CSMD3: variants seen among roughly 807,000 people sequenced by gnomAD.
The protein encoded by CSMD3 is CUB and sushi domain-containing protein 3.
CSMD3 carries 177 observed loss-of-function variants against 435.2 expected under a neutral mutation model. The observed-to-expected ratio is 0.41, with a 90% CI of 0.36 to 0.46. CSMD3 has a LOEUF of 0.46. Among genes scored for constraint, CSMD3 ranks in the 20% least tolerant of loss-of-function variants. The pLI, the probability that CSMD3 is intolerant of heterozygous loss-of-function variation, is 0.34. For missense variants in CSMD3, 4,265 were observed against 4,504.6 expected (o/e 0.95, Z 1.52); for synonymous variants, 1,656 against 1,520.5 (o/e 1.09, Z -2.07).
rs145308200 is a variant in CSMD3, at chr8:112,979,805, C to A, written c.1031-3657G>T. 2.7e-4 allele frequency among the ~76,000 whole-genome samples: 41 copies of A among 151,090 alleles called. 1 individual carries two copies. The highest frequency in any genetic ancestry group is 8.9e-4 in the African/African-American group (37 of 41,436). The stretch of plus-strand genomic sequence containing the variant: ...TGTAGCTTATCACAATTAGATTATC[C>A]TGTCATTAAGTTACTTGAGAAAAAT... On this transcript the variant is annotated intron_variant, in intron 6 of 70. Transcript: ENST00000297405.
rs73344052 is a variant in CSMD3 at position 112,828,080 on chromosome 8, T to C, written c.1859+1606A>G. On this transcript the variant is annotated intron_variant, in intron 12 of 70. Coordinates refer to ENST00000297405, the MANE Select transcript of CSMD3 (RefSeq NM_198123.2). ...TACAGTATATTGCATGTAAAATATATGCAATTTTATATTATAATGAAATCT... is the reference window on the plus strand; with the variant it reads ...TACAGTATATTGCATGTAAAATATACGCAATTTTATATTATAATGAAATCT... Among the ~76,000 whole-genome samples the C allele has an allele frequency of 6.2e-3, 945 of 152,326 alleles. 9 individuals are homozygous for C. Among genetic ancestry groups the C allele is most frequent in the African/African-American group, 0.021 (872 of 41,572 alleles).
intron 7 of CSMD3, among the ~76,000 whole-genome samples, chr8:112,964,883 A>G (rs1259076384): frequency 6.6e-6 from 1 of 151,970 alleles, no homozygotes; most frequent in African/African-American, 2.4e-5. Flanking sequence ...TATCCTACGC[A>G]ATGCACCCTA....
intron 10 of CSMD3, among the ~76,000 whole-genome samples, chr8:112,883,172 C>T (rs1459692062): frequency 1.3e-5 from 2 of 151,818 alleles, no homozygotes; most frequent in African/African-American, 4.8e-5. Flanking sequence ...CCCGATCTTC[C>T]AATTTTTCAA....
intron 11 of CSMD3, among the ~76,000 whole-genome samples, chr8:112,839,364 G>A (rs967860255): frequency 1.3e-5 from 2 of 151,782 alleles, no homozygotes; most frequent in Non-Finnish European, 2.9e-5. Flanking sequence ...CTGAAGGGAA[G>A]AAGCTACATA....
chr8:112,827,836 G>T (rs1405635006), intron 12 of CSMD3, among the ~76,000 whole-genome samples: 1 of 152,182 alleles, frequency 6.6e-6, no homozygotes, highest in Non-Finnish European at 1.5e-5. Flanking sequence ...GGGCCACAAA[G>T]AGGCCCTCTC....
chr8:112,704,794 A>G (rs1033886901), intron 13 of CSMD3, among the ~76,000 whole-genome samples: 1 of 152,270 alleles, frequency 6.6e-6, no homozygotes, highest in Non-Finnish European at 1.5e-5. Flanking sequence ...ATTATTTATT[A>G]GTAGTAATAT....
At chr8:112,375,966 A>G (rs1219752743) in intron 38 of CSMD3, among the ~76,000 whole-genome samples, 3 of 152,026 alleles carry the variant, frequency 2.0e-5, no homozygotes, top group African/African-American at 7.2e-5. Context: ...AATAGTTTGA[A>G]TTTTCCCTAA....
chr8:112,870,778 A>AT, intron 10 of CSMD3, among the ~76,000 whole-genome samples: 1 of 152,186 alleles, frequency 6.6e-6, no homozygotes, highest in Non-Finnish European at 1.5e-5. Context: ...GGAAAGATTA[A>AT]TAAGACAATC....
Position 112,313,894 on chromosome 8 carries a change from A to C in CSMD3, c.7696+12T>G. On this transcript the variant is annotated intron_variant, in intron 49 of 70. Coordinates refer to ENST00000297405, the MANE Select transcript of CSMD3 (RefSeq NM_198123.2). Reference sequence around the variant, plus strand: ...TAGTGAGATCTGTCCTGAAGTTATAAGTTTTACATACCTATATATCTTATC... The same window carrying C: ...TAGTGAGATCTGTCCTGAAGTTATACGTTTTACATACCTATATATCTTATC... 6.3e-7 allele frequency: 1 copy of C among 1,599,830 alleles called. No individual in the cohort carries two copies. The highest frequency in any genetic ancestry group is 8.6e-7 in the Non-Finnish European group (1 of 1,167,576).
chr8:113,087,421 C>A (rs545805738), intron 5 of CSMD3, among the ~76,000 whole-genome samples: 3 of 152,254 alleles, frequency 2.0e-5, no homozygotes, highest in Non-Finnish European at 4.4e-5. Flanking sequence ...GCCAAAAGAA[C>A]AAAGCTGGAG....
At chr8:113,281,074 T>A (rs1044352340) in intron 2 of CSMD3, among the ~76,000 whole-genome samples, 1 of 151,858 alleles carries the variant, frequency 6.6e-6, no homozygotes, top group Non-Finnish European at 1.5e-5. Flanking sequence ...TTTTGGCCTA[T>A]CATGTAGTCT....
At chr8:113,031,308 C>G (rs1441469472) in intron 5 of CSMD3, among the ~76,000 whole-genome samples, 2 of 151,554 alleles carry the variant, frequency 1.3e-5, no homozygotes, top group East Asian at 1.9e-4. Context: ...GAATACTACT[C>G]AGCATTAAAA....
intron 11 of CSMD3, among the ~76,000 whole-genome samples, chr8:112,847,573 T>A (rs966134120): frequency 1.3e-5 from 2 of 152,138 alleles, no homozygotes; most frequent in Non-Finnish European, 2.9e-5. Context: ...CAGCAGCATA[T>A]AATTCCTTCT....
chr8:113,240,389 G>C (rs1750094589), intron 3 of CSMD3, among the ~76,000 whole-genome samples: 1 of 152,090 alleles, frequency 6.6e-6, no homozygotes, highest in South Asian at 2.1e-4. Flanking sequence ...GAGATTGCCA[G>C]GTCAAATAGC....
chr8:112,296,958 A>G (rs531376903), intron 53 of CSMD3, among the ~76,000 whole-genome samples: 2 of 152,094 alleles, frequency 1.3e-5, no homozygotes, highest in East Asian at 3.9e-4. Context: ...AAACAGCTTT[A>G]TGCCAATACA....
chr8:112,927,619 G>T (rs1185224758), intron 9 of CSMD3, among the ~76,000 whole-genome samples: 2 of 152,086 alleles, frequency 1.3e-5, no homozygotes, highest in South Asian at 2.1e-4. Context: ...AAAATATTTT[G>T]TTTCTGACTC....
At chr8:113,403,051 C>T (rs572444450) in intron 1 of CSMD3, among the ~76,000 whole-genome samples, 1 of 151,404 alleles carries the variant, frequency 6.6e-6, no homozygotes, top group South Asian at 2.1e-4. Flanking sequence ...TCAGTCCTTA[C>T]TCTGACAAAA....
intron 19 of CSMD3, among the ~76,000 whole-genome samples, chr8:112,646,363 T>C (rs1424254094): frequency 6.6e-6 from 1 of 152,146 alleles, no homozygotes; most frequent in East Asian, 1.9e-4. Context: ...CACATTTATG[T>C]GTGTTTGTAT....
chr8:113,234,713 A>G (rs1789421725), intron 3 of CSMD3, among the ~76,000 whole-genome samples: 1 of 152,146 alleles, frequency 6.6e-6, no homozygotes, highest in African/African-American at 2.4e-5. Flanking sequence ...GCAAGTCATT[A>G]TCATTTGGTT....
Sources: gnomAD v4.1 joint callset for allele counts (sites outside exome capture counted in the v4.1 genomes callset) on GRCh38, gnomAD v4.1.1 for gene constraint, MANE v1.5 for transcripts, NCBI Gene and HGNC (gene_info 2026-07-23, HGNC 2026-07-21) for gene names.